RANBP2: variants seen among roughly 807,000 people sequenced by gnomAD.
RANBP2 encodes E3 SUMO-protein ligase RanBP2.
Under a neutral mutation model 303.6 loss-of-function variants are expected in RANBP2, and 57 were observed. The observed-to-expected ratio is 0.19, with a 90% CI of 0.15 to 0.23. The LOEUF (loss-of-function observed/expected upper bound fraction) is 0.23, where lower values mean the gene tolerates loss of function less well. Ranked by LOEUF, RANBP2 falls within the 10% of genes least tolerant of loss-of-function variation. The pLI is 1.00. For missense variants in RANBP2, 3,138 were observed against 3,780.8 expected, an observed-to-expected ratio of 0.83 and a Z score of 4.46; for synonymous variants, 1,167 against 1,301.5, an observed-to-expected ratio of 0.90 and a Z score of 2.23.
the RANBP2 span, among the ~76,000 whole-genome samples, chr2:109,418,998 C>T: frequency 6.6e-6 from 1 of 152,076 alleles, no homozygotes. Context: ...CGGGTCATCT[C>T]CTTGCTTAAA....
chr2:109,065,493 C>T, the RANBP2 span, among the ~76,000 whole-genome samples: 3 of 152,148 alleles, frequency 2.0e-5, no homozygotes, highest in African/African-American at 7.2e-5. Context: ...AGCCCTCGTT[C>T]AGCCCAGCCA....
At chr2:109,194,344 C>T in the RANBP2 span, among the ~76,000 whole-genome samples, 123,080 of 152,282 alleles carry the variant, frequency 0.81, 49,868 homozygotes, top group South Asian at 0.86. Context: ...CAGCTGTGCC[C>T]TGTTCCCCTG....
the RANBP2 span, chr2:109,616,218 G>A: frequency 8.0e-7 from 1 of 1,244,056 alleles, no homozygotes; most frequent in Non-Finnish European, 1.0e-6. Context: ...CTTCAGGCTA[G>A]CCTTCTGGGA....
the RANBP2 span, among the ~76,000 whole-genome samples, chr2:109,274,007 C>G: frequency 2.0e-5 from 3 of 152,094 alleles, no homozygotes. Flanking sequence ...TACCATAGTT[C>G]TGGGCTTATA....
chr2:109,535,746 CCA>C, the RANBP2 span, among the ~76,000 whole-genome samples: 1 of 152,148 alleles, frequency 6.6e-6, no homozygotes, highest in Non-Finnish European at 1.5e-5. Flanking sequence ...TGACCTTGAA[CCA>C]CAATTAGCAT....
chr2:108,832,425 G>C, the RANBP2 span, among the ~76,000 whole-genome samples: 2 of 141,550 alleles, frequency 1.4e-5, no homozygotes, highest in African/African-American at 5.3e-5. Context: ...TCGGCTCACC[G>C]CAACCTCTGC....
chr2:109,078,044 T>C, the RANBP2 span, among the ~76,000 whole-genome samples: 1 of 131,874 alleles, frequency 7.6e-6, no homozygotes, highest in Admixed American at 8.1e-5. Flanking sequence ...ATAGCCAAGA[T>C]ATGGAAACAA....
chr2:108,966,927 T>C, the RANBP2 span, among the ~76,000 whole-genome samples: 1 of 152,074 alleles, frequency 6.6e-6, no homozygotes, highest in Admixed American at 6.5e-5. Context: ...GACCAGCCAA[T>C]TGTGCATGGG....
the RANBP2 span, among the ~76,000 whole-genome samples, chr2:108,956,915 A>C: frequency 3.3e-5 from 5 of 151,936 alleles, no homozygotes; most frequent in Non-Finnish European, 7.4e-5. Context: ...CAGCCTCCCG[A>C]GTAGCTGGGA....
At chr2:109,690,200 G>C in the RANBP2 span, among the ~76,000 whole-genome samples, 17 of 152,328 alleles carry the variant, frequency 1.1e-4, no homozygotes, top group Middle Eastern at 3.4e-3. Context: ...GCCCAAGGTG[G>C]TCAGAGCACA....
At chr2:109,057,857 G>T in the RANBP2 span, among the ~76,000 whole-genome samples, 4 of 152,200 alleles carry the variant, frequency 2.6e-5, no homozygotes, top group East Asian at 1.9e-4. Flanking sequence ...GCCTGGGTCT[G>T]CCTGGCTGGC....
At chr2:109,112,674 T>C in the RANBP2 span, among the ~76,000 whole-genome samples, 1 of 152,182 alleles carries the variant, frequency 6.6e-6, no homozygotes, top group Admixed American at 6.5e-5. Context: ...TTTGTTGCCA[T>C]TGCTTTTGGT....
the RANBP2 span, among the ~76,000 whole-genome samples, chr2:109,375,650 A>G: frequency 6.6e-6 from 1 of 152,204 alleles, no homozygotes; most frequent in Admixed American, 6.5e-5. Context: ...GGCAGAGTGA[A>G]CTCACAGGAG....
chr2:109,349,036 T>TCA, the RANBP2 span, among the ~76,000 whole-genome samples: 3 of 151,700 alleles, frequency 2.0e-5, no homozygotes, highest in South Asian at 2.1e-4. Context: ...TCTCTCTCTC[T>TCA]CACACACACA....
chr2:109,572,255 C>T, the RANBP2 span, among the ~76,000 whole-genome samples: 2 of 151,734 alleles, frequency 1.3e-5, no homozygotes, highest in Admixed American at 1.3e-4. Context: ...CTCAGTCTCC[C>T]GAGTAGCCGG....
At chr2:109,024,584 G>A in the RANBP2 span, among the ~76,000 whole-genome samples, 5,257 of 152,276 alleles carry the variant, frequency 0.035, 153 homozygotes, top group Non-Finnish European at 0.049. Context: ...GAAGACTGAT[G>A]CCTGAACCTG....
chr2:109,653,978 C>T, the RANBP2 span, among the ~76,000 whole-genome samples: 115,042 of 152,076 alleles, frequency 0.76, 43,676 homozygotes, highest in Middle Eastern at 0.87. Flanking sequence ...TCTGACTCTA[C>T]GGGTCTGGAA....
At chr2:108,882,221 GT>G in the RANBP2 span, 3 of 151,588 alleles carry the variant, frequency 2.0e-5, no homozygotes, top group African/African-American at 7.3e-5. Flanking sequence ...TAACATAATA[GT>G]AACAGAAAAG....
At chr2:108,929,497 G>A in the RANBP2 span, 1 of 1,132,926 alleles carries the variant, frequency 8.8e-7, no homozygotes, top group African/African-American at 1.5e-5. Flanking sequence ...CTCTTGCCGG[G>A]CCTTGGTTTC....
Sources: gnomAD v4.1 joint callset for allele counts (sites outside exome capture counted in the v4.1 genomes callset) on GRCh38, gnomAD v4.1.1 for gene constraint, MANE v1.5 for transcripts, NCBI Gene and HGNC (gene_info 2026-07-23, HGNC 2026-07-21) for gene names.